Variants in CTNNA2 observed in about 807,000 individuals in gnomAD.
CTNNA2 encodes the protein catenin alpha-2.
A neutral mutation model predicts 101.0 loss-of-function variants in CTNNA2; 42 were observed. The ratio of observed to expected loss-of-function variants is 0.42; its 90% CI spans 0.32 to 0.54. The LOEUF (loss-of-function observed/expected upper bound fraction) is 0.54, where lower values mean the gene tolerates loss of function less well. CTNNA2 is among the 20% of genes least tolerant of loss of function. CTNNA2 has a pLI of 0.14. For missense variants in CTNNA2, 871 were observed against 1,223.1 expected, an observed-to-expected ratio of 0.71 and a Z score of 4.29; for synonymous variants, 450 against 456.4, an observed-to-expected ratio of 0.99 and a Z score of 0.18.
At chr2:80,634,344 G>GA (rs1230088217) in intron 18 of CTNNA2, among the ~76,000 whole-genome samples, 1 of 152,134 alleles carries the variant, frequency 6.6e-6, no homozygotes, top group African/African-American at 2.4e-5. Flanking sequence ...AGATGGATGT[G>GA]AGGGAGCAAG....
chr2:79,503,329 G>A (rs369979033), intron 4 of CTNNA2, among the ~76,000 whole-genome samples: 2 of 152,116 alleles, frequency 1.3e-5, no homozygotes, highest in East Asian at 3.9e-4. Context: ...CGTGGTATAT[G>A]GAAACACTCG....
chr2:79,446,096 A>T (rs1370151518), intron 4 of CTNNA2, among the ~76,000 whole-genome samples: 2 of 152,070 alleles, frequency 1.3e-5, no homozygotes, highest in Non-Finnish European at 2.9e-5. Context: ...ACAGGGTGTA[A>T]TTGGATAAAA....
At chr2:79,800,894 A>G (rs1476833442) in intron 3 of CTNNA2, among the ~76,000 whole-genome samples, 2 of 152,172 alleles carry the variant, frequency 1.3e-5, no homozygotes, top group East Asian at 1.9e-4. Context: ...TGTCATAGAA[A>G]GTGGTTATGG....
At chr2:79,380,554 T>A (rs188014632) in intron 4 of CTNNA2, among the ~76,000 whole-genome samples, 1 of 152,278 alleles carries the variant, frequency 6.6e-6, no homozygotes, top group South Asian at 2.1e-4. Flanking sequence ...GCAGTCCAAA[T>A]GCATATTTCA....
chr2:79,728,781 G>C (rs1050823154), intron 2 of CTNNA2, among the ~76,000 whole-genome samples: 3 of 152,150 alleles, frequency 2.0e-5, no homozygotes, highest in African/African-American at 7.2e-5. Context: ...TCCAGTTTCA[G>C]CTTTCTCCAT....
rs761362452 is a variant in CTNNA2, at chr2:80,581,819, G to A, written c.2007G>A (p.Arg669=). The change falls in exon 14 of 19, where the codon CGG becomes CGA. Residue 669 remains arginine (R), a splice_region_variant and synonymous_variant. Transcript: ENST00000402739. ...DDQLIAGQSA[R]AIMAQLPQEE... Reference sequence around the variant, plus strand: ...AGCTCATTGCAGGGCAGAGCGCACGGGTGAGTGGACACCTAAGACTTTGGC... The same window carrying A: ...AGCTCATTGCAGGGCAGAGCGCACGAGTGAGTGGACACCTAAGACTTTGGC... The A allele has an allele frequency of 1.3e-6, 2 of 1,580,080 alleles. No individual in the cohort carries two copies. Among genetic ancestry groups the A allele is most frequent in the South Asian group, 2.2e-5 (2 of 90,420 alleles).
At chr2:79,842,625 C>T (rs529471130) in intron 3 of CTNNA2, among the ~76,000 whole-genome samples, 10 of 152,182 alleles carry the variant, frequency 6.6e-5, no homozygotes, top group African/African-American at 2.4e-4. Context: ...AGACTTACAT[C>T]TCAGGACTGA....
At chr2:79,717,007 T>G (rs1386490612) in intron 2 of CTNNA2, among the ~76,000 whole-genome samples, 3 of 146,228 alleles carry the variant, frequency 2.1e-5, no homozygotes, top group Non-Finnish European at 4.7e-5. Context: ...CATCTAAGAT[T>G]GAATAATTAA....
intron 4 of CTNNA2, among the ~76,000 whole-genome samples, chr2:79,445,855 G>A (rs1287825615): frequency 6.6e-6 from 1 of 152,030 alleles, no homozygotes; most frequent in Admixed American, 6.6e-5. Flanking sequence ...TAGGATATGT[G>A]TTTTTAAATG....
chr2:80,176,555 GT>G lies in CTNNA2; in HGVS notation c.1057-216649del, dbSNP rs370847409. On this transcript the variant is annotated intron_variant, in intron 7 of 18. Coordinates refer to ENST00000402739, the MANE Select transcript of CTNNA2 (RefSeq NM_001282597.3). ...TCAGCAATCTCCTCAGCAGGTCGTG[GT>G]TTTTTTACCTGGTGGAGTGACACAA... Among the ~76,000 whole-genome samples the G allele has an allele frequency of 4.7e-4, 71 of 152,274 alleles. No homozygotes were observed. In the East Asian group the frequency reaches 0.011, roughly 23 times the overall value.
At chr2:79,391,710 A>G (rs975140692) in intron 4 of CTNNA2, among the ~76,000 whole-genome samples, 40 of 152,204 alleles carry the variant, frequency 2.6e-4, no homozygotes, top group Non-Finnish European at 1.2e-4. Flanking sequence ...AACATTGTAC[A>G]GTGATGGAGT....
At position 79,593,879 on chromosome 2, in the gene CTNNA2, A is replaced by AGTTT. The variant is rs1573431261; in HGVS notation, c.-5-57672_-5-57669dup. Among the ~76,000 whole-genome samples the AGTTT allele has an allele frequency of 6.0e-4, 67 of 111,060 alleles. 2 individuals carry two copies. In the South Asian group the frequency reaches 0.016, roughly 27 times the overall value. The allele number at this position is 111,060 out of a possible 152,430, so 72.9% of individuals were successfully genotyped here. On this transcript the variant is annotated intron_variant, in intron 1 of 18. Transcript: ENST00000402739. ...TGAGCCCCAGTGCTGCCTTTCTTTT[A>AGTTT]GTTTTTTTTTTTTTTTTTTTTTTTT...
At chr2:79,451,407 T>G (rs541228343) in intron 4 of CTNNA2, among the ~76,000 whole-genome samples, 2 of 152,252 alleles carry the variant, frequency 1.3e-5, no homozygotes, top group African/African-American at 4.8e-5. Flanking sequence ...CAATGTGTTA[T>G]GAGCAGTCAT....
intron 1 of CTNNA2, among the ~76,000 whole-genome samples, chr2:79,649,762 G>C (rs866220234): frequency 4.6e-5 from 7 of 152,164 alleles, no homozygotes; most frequent in Non-Finnish European, 8.8e-5. Context: ...GCTATGCTTA[G>C]TTTATTTAAA....
At chr2:80,600,982 G>A (rs1490312185) in intron 15 of CTNNA2, among the ~76,000 whole-genome samples, 1 of 152,156 alleles carries the variant, frequency 6.6e-6, no homozygotes, top group Non-Finnish European at 1.5e-5. Flanking sequence ...CTATTACCTT[G>A]AGCTTTTTCA....
intron 2 of CTNNA2, among the ~76,000 whole-genome samples, chr2:79,694,783 G>T (rs1268386617): frequency 6.6e-6 from 1 of 151,860 alleles, no homozygotes; most frequent in Non-Finnish European, 1.5e-5. Flanking sequence ...TTAATAGAAA[G>T]TAGAGAACAA....
At position 79,722,323 on chromosome 2, in the gene CTNNA2, T is replaced by C. The variant is rs373366885; in HGVS notation, c.103-22064T>C. On this transcript the variant is annotated intron_variant, in intron 2 of 18. Transcript: ENST00000402739. Reference sequence around the variant, plus strand: ...GTGTGAGGGGGTGAAATGGGCTTAATTGTATTGTCTGATGTGGCAGCCTTG... The same window carrying C: ...GTGTGAGGGGGTGAAATGGGCTTAACTGTATTGTCTGATGTGGCAGCCTTG... Among the ~76,000 whole-genome samples the C allele has an allele frequency of 3.9e-5, 6 of 152,168 alleles. No individual in the cohort carries two copies. The East Asian group carries it at 9.6e-4, about 24-fold the overall frequency.
chr2:80,417,769 G>T (rs1680168950), intron 8 of CTNNA2, among the ~76,000 whole-genome samples: 1 of 151,942 alleles, frequency 6.6e-6, no homozygotes, highest in East Asian at 1.9e-4. Flanking sequence ...CATGCTTTCA[G>T]TGTGCCTAGG....
chr2:80,245,038 A>G (rs1323234351), intron 7 of CTNNA2, among the ~76,000 whole-genome samples: 2 of 152,220 alleles, frequency 1.3e-5, no homozygotes, highest in African/African-American at 4.8e-5. Context: ...AGTGCACAAA[A>G]GGATTTTCCA....
Sources: gnomAD v4.1 joint callset for allele counts (sites outside exome capture counted in the v4.1 genomes callset) on GRCh38, gnomAD v4.1.1 for gene constraint, MANE v1.5 for transcripts, NCBI Gene and HGNC (gene_info 2026-07-23, HGNC 2026-07-21) for gene names.